Variants in NGEF observed in about 807,000 individuals in gnomAD.
NGEF encodes ephexin-1.
Under a neutral mutation model 80.9 loss-of-function variants are expected in NGEF, and 31 were observed. That is an observed-to-expected ratio of 0.38 (90% CI 0.29 to 0.52). The LOEUF (loss-of-function observed/expected upper bound fraction) is 0.52, where lower values mean the gene tolerates loss of function less well. Among genes scored for constraint, NGEF ranks in the 20% least tolerant of loss-of-function variants. The pLI is 0.84. For missense variants in NGEF, 709 were observed against 926.2 expected (o/e 0.77, Z 3.04); for synonymous variants, 371 against 370.2 (o/e 1.00, Z -0.03).
At chr2:232,960,142 T>G (rs1554217) in intron 3 of NGEF, among the ~76,000 whole-genome samples, 120,698 of 152,204 alleles carry the variant, frequency 0.79, 48,456 homozygotes, top group African/African-American at 0.92. Context: ...GCTGATGCTT[T>G]CTTAGTTTAT....
At chr2:232,932,697 G>A (rs943840694) in intron 3 of NGEF, among the ~76,000 whole-genome samples, 4 of 152,120 alleles carry the variant, frequency 2.6e-5, no homozygotes, top group African/African-American at 9.7e-5. Context: ...TGAGATCATG[G>A]TGCCAGCCTG....
intron 3 of NGEF, among the ~76,000 whole-genome samples, chr2:232,962,873 A>G (rs1011972901): frequency 5.3e-5 from 8 of 151,938 alleles, no homozygotes; most frequent in Non-Finnish European, 1.0e-4. Context: ...TTTTTAAAAA[A>G]TTGACAAAAA....
At chr2:232,996,499 T>C (rs946002351) in intron 1 of NGEF, among the ~76,000 whole-genome samples, 2 of 152,224 alleles carry the variant, frequency 1.3e-5, no homozygotes, top group Non-Finnish European at 2.9e-5. Flanking sequence ...AGTCTTCCCT[T>C]GGTATCCGTG....
At chr2:232,988,723 G>A (rs1358166413) in intron 1 of NGEF, among the ~76,000 whole-genome samples, 2 of 152,164 alleles carry the variant, frequency 1.3e-5, no homozygotes, top group Non-Finnish European at 1.5e-5. Context: ...ATTGTTCAAG[G>A]GCAAGCAATT....
At chr2:232,926,227 C>A (rs1693063031) in intron 4 of NGEF, among the ~76,000 whole-genome samples, 1 of 152,112 alleles carries the variant, frequency 6.6e-6, no homozygotes, top group South Asian at 2.1e-4. Context: ...GCTCTGACAA[C>A]AATGAAGAAC....
chr2:232,906,435 G>A (rs1425071904), intron 5 of NGEF, among the ~76,000 whole-genome samples: 1 of 106,002 alleles, frequency 9.4e-6, no homozygotes, highest in Non-Finnish European at 2.0e-5. Flanking sequence ...CCCCGTCTGG[G>A]AGGTGAGGGG....
chr2:232,978,736 G>A (rs1282648155), intron 1 of NGEF, among the ~76,000 whole-genome samples: 11 of 152,128 alleles, frequency 7.2e-5, no homozygotes, highest in Admixed American at 6.5e-4. Context: ...TTTCTGTTGT[G>A]TAGGTGGAGC....
chr2:232,885,262 C>T lies in NGEF; in HGVS notation c.1437+18G>A, dbSNP rs1391399522. 6.2e-7 allele frequency: 1 copy of T among 1,611,592 alleles called. No homozygotes were observed. Reference sequence around the variant, plus strand: ...GCCTGTGCATGGGCACAGGCTCACACCAATCCCACCGGTTCACCTTGATCT... The same window carrying T: ...GCCTGTGCATGGGCACAGGCTCACATCAATCCCACCGGTTCACCTTGATCT... On this transcript the variant is annotated intron_variant, in intron 10 of 14. Coordinates refer to ENST00000264051, the MANE Select transcript of NGEF (RefSeq NM_019850.3).
chr2:232,905,939 G>A (rs1692508384), intron 5 of NGEF: 1 of 86,806 alleles, frequency 1.2e-5, no homozygotes, highest in Non-Finnish European at 2.2e-5. Flanking sequence ...TCCGGGAGGT[G>A]AGGGGCACCT....
chr2:232,955,536 G>A (rs925911924), intron 3 of NGEF, among the ~76,000 whole-genome samples: 2 of 152,126 alleles, frequency 1.3e-5, no homozygotes, highest in Admixed American at 1.3e-4. Flanking sequence ...TGGTTGGTTT[G>A]TTTTTGAGAC....
At chr2:233,004,828 G>T (rs1695054194) in intron 1 of NGEF, among the ~76,000 whole-genome samples, 1 of 152,078 alleles carries the variant, frequency 6.6e-6, no homozygotes, top group Admixed American at 6.5e-5. Context: ...GGGCTGTGTG[G>T]ACATTTGGTT....
intron 8 of NGEF, among the ~76,000 whole-genome samples, chr2:232,890,386 A>G (rs921331769): frequency 3.9e-5 from 6 of 151,918 alleles, no homozygotes; most frequent in African/African-American, 1.5e-4. Context: ...GCTCCTTCCC[A>G]GGCCTGGCTG....
chr2:232,961,348 G>A (rs927485368), intron 3 of NGEF, among the ~76,000 whole-genome samples: 4 of 152,032 alleles, frequency 2.6e-5, no homozygotes, highest in South Asian at 4.1e-4. Flanking sequence ...TGCCTGGCTC[G>A]CCTTCACATA....
At chr2:232,907,423 G>A (rs1186213160) in intron 5 of NGEF, among the ~76,000 whole-genome samples, 1 of 152,174 alleles carries the variant, frequency 6.6e-6, no homozygotes, top group Non-Finnish European at 1.5e-5. Flanking sequence ...CTGAAAAAAA[G>A]ATCTGATACA....
chr2:233,012,727 AGGG>A, intron 1 of NGEF: 1 of 402,118 alleles, frequency 2.5e-6, no homozygotes, highest in South Asian at 1.9e-5. Context: ...TATTTTAACA[AGGG>A]GCCCTGCATT....
intron 3 of NGEF, among the ~76,000 whole-genome samples, chr2:232,953,347 G>GAGAA (rs145060345): frequency 7.2e-5 from 10 of 139,776 alleles, no homozygotes; most frequent in South Asian, 2.5e-4. Flanking sequence ...AAGGGAAAGA[G>GAGAA]AGAAAGAAAG....
At chr2:232,969,452 T>TCCTC in intron 3 of NGEF, among the ~76,000 whole-genome samples, 1 of 55,136 alleles carries the variant, frequency 1.8e-5, no homozygotes, top group South Asian at 7.3e-4. Flanking sequence ...TCCCTCCCCT[T>TCCTC]CCTTCCTTCC....
intron 8 of NGEF, among the ~76,000 whole-genome samples, chr2:232,889,635 GTT>G (rs1691812011): frequency 6.6e-6 from 1 of 152,134 alleles, no homozygotes; most frequent in Non-Finnish European, 1.5e-5. Flanking sequence ...CTTTTTCCAA[GTT>G]AAAAAAATAT....
intron 3 of NGEF, among the ~76,000 whole-genome samples, chr2:232,950,548 G>C (rs1693656856): frequency 6.6e-6 from 1 of 151,974 alleles, no homozygotes; most frequent in South Asian, 2.1e-4. Flanking sequence ...CTGGGGCAGA[G>C]AGGAGCCTCC....
Sources: allele counts gnomAD v4.1 joint callset (sites outside exome capture counted in the v4.1 genomes callset), GRCh38; gene constraint gnomAD v4.1.1; transcripts MANE v1.5; gene names NCBI Gene and HGNC (gene_info 2026-07-23, HGNC 2026-07-21).